Variants in ATP2B2 observed in about 807,000 individuals in gnomAD.
ATP2B2 encodes plasma membrane calcium-transporting ATPase 2.
In ATP2B2, 15 loss-of-function variants were observed where a neutral mutation model predicts 120.0. That is an observed-to-expected ratio of 0.12 (90% CI 0.08 to 0.19). The LOEUF (loss-of-function observed/expected upper bound fraction) is 0.19. Ranked by LOEUF, ATP2B2 falls within the 10% of genes least tolerant of loss-of-function variation. The pLI is 1.00. For missense variants in ATP2B2, 1,045 were observed against 1,719.8 expected, an observed-to-expected ratio of 0.61 and a Z score of 6.94; for synonymous variants, 694 against 700.3, an observed-to-expected ratio of 0.99 and a Z score of 0.14.
At chr3:10,411,837 G>C (rs887396335) in intron 2 of ATP2B2, among the ~76,000 whole-genome samples, 2 of 152,206 alleles carry the variant, frequency 1.3e-5, no homozygotes, top group Non-Finnish European at 2.9e-5. Context: ...TCCTCTTCTG[G>C]ACAAGGGAGT....
chr3:10,457,222 G>C (rs1179789176), intron 1 of ATP2B2, among the ~76,000 whole-genome samples: 1 of 152,042 alleles, frequency 6.6e-6, no homozygotes, highest in Non-Finnish European at 1.5e-5. Flanking sequence ...AAGTGTGGGT[G>C]TGTAGGGTGT....
intron 2 of ATP2B2, among the ~76,000 whole-genome samples, chr3:10,594,702 A>G (rs2068722035): frequency 9.3e-6 from 1 of 107,334 alleles, no homozygotes; most frequent in Non-Finnish European, 1.9e-5. Context: ...TGTACCCTAG[A>G]ACTTAAAGTA....
intron 2 of ATP2B2, among the ~76,000 whole-genome samples, chr3:10,588,831 GAAGAA>G (rs1009291501): frequency 2.6e-5 from 4 of 152,122 alleles, no homozygotes; most frequent in African/African-American, 9.7e-5. Flanking sequence ...GGAAATTCAA[GAAGAA>G]AAGAACTAGA....
chr3:10,420,709 G>A (rs2062948552), intron 2 of ATP2B2, among the ~76,000 whole-genome samples: 1 of 152,216 alleles, frequency 6.6e-6, no homozygotes, highest in African/African-American at 2.4e-5. Context: ...GATAGTGCCT[G>A]CCATACAGAG....
chr3:10,562,783 A>C (rs2067931763), intron 2 of ATP2B2, among the ~76,000 whole-genome samples: 1 of 152,180 alleles, frequency 6.6e-6, no homozygotes, highest in African/African-American at 2.4e-5. Flanking sequence ...AAACAACCTA[A>C]ATGCCCATCA....
intron 2 of ATP2B2, among the ~76,000 whole-genome samples, chr3:10,599,604 A>G (rs1471923635): frequency 1.3e-5 from 2 of 152,068 alleles, no homozygotes; most frequent in Non-Finnish European, 1.5e-5. Flanking sequence ...ACCTCTCCCA[A>G]CTGGACAAGC....
chr3:10,573,763 T>C (rs2068181534), intron 2 of ATP2B2, among the ~76,000 whole-genome samples: 1 of 152,202 alleles, frequency 6.6e-6, no homozygotes, highest in African/African-American at 2.4e-5. Context: ...GCTGGTAGAG[T>C]GCCCCATTCT....
intron 2 of ATP2B2, among the ~76,000 whole-genome samples, chr3:10,572,501 T>C (rs1471144953): frequency 2.0e-5 from 3 of 152,184 alleles, no homozygotes. Flanking sequence ...GCTAAAATGG[T>C]AAATTTTATG....
chr3:10,640,680 T>G (rs2070147304), intron 1 of ATP2B2, among the ~76,000 whole-genome samples: 1 of 151,742 alleles, frequency 6.6e-6, no homozygotes, highest in Non-Finnish European at 1.5e-5. Flanking sequence ...AAGGCTGTGA[T>G]GTCCTCACCC....
In ATP2B2 at chr3:10,442,764, C is replaced by A. The variant is rs187745905; in HGVS notation, c.199+6581G>T. 3.1e-3 allele frequency among the ~76,000 whole-genome samples: 466 copies of A among 152,354 alleles called. 2 individuals are homozygous for A. The highest frequency in any genetic ancestry group is 5.3e-3 in the Non-Finnish European group (361 of 68,038). ...CTTCACTAATTAAAACCCAACGTCT[C>A]CCTTGAAGCCACACAGAGAGTTCCC... On this transcript the variant is annotated intron_variant, in intron 2 of 22. Coordinates refer to ENST00000360273, the MANE Select transcript of ATP2B2 (RefSeq NM_001001331.4).
chr3:10,613,205 G>T (rs1207271991), intron 2 of ATP2B2, among the ~76,000 whole-genome samples: 1 of 152,190 alleles, frequency 6.6e-6, no homozygotes, highest in Non-Finnish European at 1.5e-5. Context: ...TTGATTTCAT[G>T]CCCTGAAAAA....
chr3:10,702,079 A>T (rs745870069), intron 1 of ATP2B2, among the ~76,000 whole-genome samples: 6 of 152,140 alleles, frequency 3.9e-5, no homozygotes, highest in Non-Finnish European at 8.8e-5. Context: ...TGATAGCAAC[A>T]TCTTCATACC....
At position 10,528,157 on chromosome 3, in the gene ATP2B2, AG is replaced by A. The variant is rs200708588; in HGVS notation, c.-320+5881del. The stretch of plus-strand genomic sequence containing the variant: ...ATCCTATCAGCAATACCCTGGCTTC[AG>A]CCCTGGCTACCTGGAAGTTCTTTTG... On this transcript the variant is annotated intron_variant, in intron 3 of 21. Transcript: ENST00000646379. Among the ~76,000 whole-genome samples, 354 of 152,304 alleles carry A rather than the reference AG, an allele frequency of 2.3e-3. 3 individuals are homozygous for A. The highest frequency in any genetic ancestry group is 8.0e-3 in the African/African-American group (333 of 41,558).
At chr3:10,385,225 C>G in intron 8 of ATP2B2, 43 bp downstream of exon 8, 1 of 1,594,836 alleles carries the variant, frequency 6.3e-7, no homozygotes, top group Non-Finnish European at 8.6e-7. Flanking sequence ...GGGTGAGAGA[C>G]GCCCATCCAA....
At chr3:10,617,710 C>T (rs77357304) in intron 2 of ATP2B2, among the ~76,000 whole-genome samples, 2,854 of 152,328 alleles carry the variant, frequency 0.019, 77 homozygotes, top group African/African-American at 0.065. Flanking sequence ...CACACAGGGA[C>T]GAGCTGCTGA....
intron 2 of ATP2B2, among the ~76,000 whole-genome samples, chr3:10,587,357 G>T (rs938067328): frequency 2.0e-5 from 3 of 151,696 alleles, no homozygotes; most frequent in Non-Finnish European, 4.4e-5. Flanking sequence ...AAGAGACAGG[G>T]TTGTTTAGTT....
intron 2 of ATP2B2, among the ~76,000 whole-genome samples, chr3:10,412,788 C>T (rs2062655526): frequency 1.3e-5 from 2 of 152,196 alleles, no homozygotes; most frequent in African/African-American, 2.4e-5. Context: ...CCGAGTGTTA[C>T]GAGCCTGGCC....
At chr3:10,339,896 T>TG (rs1203784899) in intron 21 of ATP2B2, among the ~76,000 whole-genome samples, 1 of 152,242 alleles carries the variant, frequency 6.6e-6, no homozygotes, top group Non-Finnish European at 1.5e-5. Context: ...CATTAATGTT[T>TG]TTGTTAGCTT....
At chr3:10,672,435 T>C (rs551665613) in intron 1 of ATP2B2, among the ~76,000 whole-genome samples, 2 of 152,264 alleles carry the variant, frequency 1.3e-5, no homozygotes, top group South Asian at 2.1e-4. Flanking sequence ...TAACAGCTGG[T>C]TTAATGGGCT....
Sources: gnomAD v4.1 joint callset for allele counts (sites outside exome capture counted in the v4.1 genomes callset) on GRCh38, gnomAD v4.1.1 for gene constraint, MANE v1.5 for transcripts, NCBI Gene and HGNC (gene_info 2026-07-23, HGNC 2026-07-21) for gene names.